The following PCCA variants were observed in gnomAD, a reference collection of about 807,000 sequenced individuals.
The protein encoded by PCCA is propionyl-CoA carboxylase subunit alpha.
PCCA carries 74 observed loss-of-function variants against 101.3 expected under a neutral mutation model. The observed-to-expected ratio is 0.73, with a 90% CI of 0.61 to 0.89. The LOEUF (loss-of-function observed/expected upper bound fraction) is 0.89, where lower values mean the gene tolerates loss of function less well. PCCA is among the 40% of genes least tolerant of loss of function. The pLI, the probability that PCCA is intolerant of heterozygous loss-of-function variation, is 0.00. For missense variants in PCCA, 891 were observed against 907.0 expected, an observed-to-expected ratio of 0.98 and a Z score of 0.23; for synonymous variants, 294 against 313.6, an observed-to-expected ratio of 0.94 and a Z score of 0.66.
chr13:100,095,412 C>T (rs2046678965), intron 1 of PCCA, among the ~76,000 whole-genome samples: 1 of 152,140 alleles, frequency 6.6e-6, no homozygotes, highest in African/African-American at 2.4e-5. Flanking sequence ...GTTTCTGCTC[C>T]CATTGTGGTT....
chr13:100,345,593 G>C (rs2072064561), intron 18 of PCCA, among the ~76,000 whole-genome samples: 1 of 152,198 alleles, frequency 6.6e-6, no homozygotes, highest in South Asian at 2.1e-4. Context: ...TGATGTAGAA[G>C]CTTGCAGCAA....
At chr13:100,099,316 T>C (rs1272614003) in intron 1 of PCCA, among the ~76,000 whole-genome samples, 1 of 125,604 alleles carries the variant, frequency 8.0e-6, no homozygotes, top group Non-Finnish European at 1.6e-5. Context: ...CTATCTAATC[T>C]TTTTTTTTTT....
chr13:100,169,702 AT>A (rs10659778), intron 6 of PCCA, among the ~76,000 whole-genome samples: 42 of 135,288 alleles, frequency 3.1e-4, no homozygotes, highest in Middle Eastern at 3.8e-3. Flanking sequence ...TAATTTCTGT[AT>A]TTTTTTTTTT....
Position 100,418,034 on chromosome 13 carries a change from T to G in PCCA, c.1747-7599T>G, listed in dbSNP as rs1035028366. ...CACGTGAAGACCAGCAGCCAGTTCC[T>G]GGTCTGTCTGTCTGTCTCCATACAA... On this transcript the variant is annotated intron_variant, in intron 19 of 23. Coordinates refer to ENST00000376285, the MANE Select transcript of PCCA (RefSeq NM_000282.4). 2.3e-4 allele frequency among the ~76,000 whole-genome samples: 35 copies of G among 152,198 alleles called. 1 individual carries two copies. The highest frequency in any genetic ancestry group is 4.0e-4 in the Non-Finnish European group (27 of 68,042).
intron 20 of PCCA, among the ~76,000 whole-genome samples, chr13:100,440,146 G>C: frequency 7.7e-6 from 1 of 129,440 alleles, no homozygotes; most frequent in African/African-American, 2.7e-5. Context: ...GAAATGACTA[G>C]AGTATTAAAT....
At chr13:100,501,657 A>G (rs1566467493) in intron 21 of PCCA, among the ~76,000 whole-genome samples, 1 of 152,096 alleles carries the variant, frequency 6.6e-6, no homozygotes. Flanking sequence ...GTGGCTCACG[A>G]GGTCAGGAGT....
At chr13:100,202,188 A>AAG (rs2058563829) in intron 6 of PCCA, among the ~76,000 whole-genome samples, 1 of 150,398 alleles carries the variant, frequency 6.6e-6, no homozygotes, top group African/African-American at 2.4e-5. Flanking sequence ...AAAAAAAAAA[A>AAG]CTGGGCACAG....
chr13:100,187,013 G>A (rs2057338136), intron 6 of PCCA, among the ~76,000 whole-genome samples: 1 of 152,188 alleles, frequency 6.6e-6, no homozygotes, highest in African/African-American at 2.4e-5. Flanking sequence ...GTAAACATTA[G>A]TGTTAGATTA....
At chr13:100,114,800 A>G (rs1052310510) in intron 4 of PCCA, among the ~76,000 whole-genome samples, 1 of 152,206 alleles carries the variant, frequency 6.6e-6, no homozygotes, top group Non-Finnish European at 1.5e-5. Flanking sequence ...GGATGTAGAG[A>G]AAGAACCCTC....
chr13:100,104,654 C>T (rs2047585548), intron 2 of PCCA: 1 of 152,088 alleles, frequency 6.6e-6, no homozygotes, highest in African/African-American at 2.4e-5. Context: ...ATCTTCATAG[C>T]AATGTAAAAA....
intron 20 of PCCA, among the ~76,000 whole-genome samples, chr13:100,436,550 C>T (rs1199151875): frequency 6.6e-6 from 1 of 152,214 alleles, no homozygotes; most frequent in African/African-American, 2.4e-5. Context: ...CTAGGATTTT[C>T]CTTTCAATTT....
At chr13:100,128,513 A>G (rs910620816) in intron 4 of PCCA, among the ~76,000 whole-genome samples, 1 of 152,178 alleles carries the variant, frequency 6.6e-6, no homozygotes, top group African/African-American at 2.4e-5. Flanking sequence ...CCCTTCAGTA[A>G]TAGGGTGCTC....
At chr13:100,243,841 G>A (rs2061292402) in intron 8 of PCCA, among the ~76,000 whole-genome samples, 1 of 152,126 alleles carries the variant, frequency 6.6e-6, no homozygotes. Flanking sequence ...GTTTGCCTTT[G>A]CCTATTCTTC....
chr13:100,205,538 CTT>C (rs3034652), intron 6 of PCCA, among the ~76,000 whole-genome samples: 3 of 112,130 alleles, frequency 2.7e-5, no homozygotes, highest in African/African-American at 3.5e-5. Context: ...TTGATATAAG[CTT>C]TTTTTTTTTT....
intron 8 of PCCA, among the ~76,000 whole-genome samples, chr13:100,253,621 G>A (rs1254324854): frequency 6.6e-6 from 1 of 152,146 alleles, no homozygotes; most frequent in Non-Finnish European, 1.5e-5. Flanking sequence ...CTAAGTTTCT[G>A]TATTTTCTTC....
chr13:100,273,219 G>A lies in PCCA; in HGVS notation c.938G>A (p.Arg313Gln), dbSNP rs776445448. 11 of 1,613,044 alleles carry A rather than the reference G, an allele frequency of 6.8e-6. No individual in the cohort carries two copies. Among genetic ancestry groups the A allele is most frequent in the Middle Eastern group, 1.6e-4 (1 of 6,082 alleles). ...APSIFLDAETRRAMGEQAVAL... is the reference protein window; with the variant it reads ...APSIFLDAETQRAMGEQAVAL... ...AGCATTTTTTTGGATGCGGAGACTCGAAGAGCGATGGGAGAACAAGCTGTA... is the reference window on the plus strand; with the variant it reads ...AGCATTTTTTTGGATGCGGAGACTCAAAGAGCGATGGGAGAACAAGCTGTA... Residue 313 changes from arginine (R) to glutamine (Q), a missense_variant, in exon 12 of 24, where the codon CGA (arginine) becomes CAA (glutamine). By Grantham distance (43) the Arg-to-Gln change is conservative. Transcript: ENST00000376285.
chr13:100,425,720 A>G lies in PCCA; in HGVS notation c.1834A>G (p.Arg612Gly), dbSNP rs755507959. Residue 612 changes from arginine (R) to glycine (G), a missense_variant, in exon 20 of 24, where the codon AGG (arginine) becomes GGG (glycine). Coordinates refer to ENST00000376285, the MANE Select transcript of PCCA (RefSeq NM_000282.4). ...GTCTGTCAGCGTTGATGGCACTCAG[A>G]GGACTGTCCAGGTGAGTGTTGTAAG... ...LLSVSVDGTQRTVQCLSREAG... is the reference protein window; with the variant it reads ...LLSVSVDGTQGTVQCLSREAG... 2 of 1,610,314 alleles carry G rather than the reference A, an allele frequency of 1.2e-6. No homozygotes were observed. Among genetic ancestry groups the G allele is most frequent in the East Asian group, 4.5e-5 (2 of 44,848 alleles).
At chr13:100,352,932 A>T (rs1230938475) in intron 18 of PCCA, among the ~76,000 whole-genome samples, 1 of 152,018 alleles carries the variant, frequency 6.6e-6, no homozygotes, top group Non-Finnish European at 1.5e-5. Context: ...TGAACTCCTG[A>T]CCTCAAATGC....
intron 8 of PCCA, among the ~76,000 whole-genome samples, chr13:100,240,933 C>CAT (rs33954772): frequency 0.14 from 21,666 of 151,584 alleles, 1,675 homozygotes; most frequent in Middle Eastern, 0.22. Context: ...TTGACATATG[C>CAT]ATATATATAT....
Sources: gnomAD v4.1 joint callset for allele counts (sites outside exome capture counted in the v4.1 genomes callset) on GRCh38, gnomAD v4.1.1 for gene constraint, MANE v1.5 for transcripts, NCBI Gene and HGNC (gene_info 2026-07-23, HGNC 2026-07-21) for gene names.